The following PDE4D variants were observed in gnomAD, a reference collection of about 807,000 sequenced individuals.
The protein encoded by PDE4D is 3',5'-cyclic-AMP phosphodiesterase 4D.
In PDE4D, 24 loss-of-function variants were observed where a neutral mutation model predicts 87.4. That is an observed-to-expected ratio of 0.27 (90% CI 0.20 to 0.39). The LOEUF is 0.39. Ranked by LOEUF, PDE4D falls within the 10% of genes least tolerant of loss-of-function variation. The probability of loss-of-function intolerance (pLI) is 1.00; values close to 1 mark genes in which losing one functional copy is unlikely to be tolerated. For synonymous variants in PDE4D, 384 were observed against 383.2 expected (o/e 1.00, Z -0.02); for missense variants, 714 against 1,041.0 (o/e 0.69, Z 4.32).
chr5:59,888,695 A>G (rs945332896), intron 1 of PDE4D, among the ~76,000 whole-genome samples: 1 of 152,080 alleles, frequency 6.6e-6, no homozygotes, highest in South Asian at 2.1e-4. Flanking sequence ...GACAATCTGA[A>G]CGGCCAATTT....
chr5:60,181,453 C>T (rs529394647), intron 2 of PDE4D, among the ~76,000 whole-genome samples: 1 of 152,272 alleles, frequency 6.6e-6, no homozygotes, highest in African/African-American at 2.4e-5. Flanking sequence ...GCCAGATACC[C>T]TATGTCTTCC....
intron 2 of PDE4D, among the ~76,000 whole-genome samples, chr5:60,017,688 G>A (rs1444635688): frequency 1.3e-5 from 2 of 152,222 alleles, no homozygotes; most frequent in South Asian, 2.1e-4. Context: ...TCTTTATGCA[G>A]TCTATCATTG....
At chr5:59,847,348 T>C (rs1744018389) in intron 1 of PDE4D, among the ~76,000 whole-genome samples, 1 of 152,166 alleles carries the variant, frequency 6.6e-6, no homozygotes, top group South Asian at 2.1e-4. Context: ...TTTAAAATGC[T>C]ATAAAGTAGA....
chr5:59,846,691 T>C (rs1743906610), intron 1 of PDE4D, among the ~76,000 whole-genome samples: 1 of 151,928 alleles, frequency 6.6e-6, no homozygotes, highest in African/African-American at 2.4e-5. Flanking sequence ...CTGTAATGCA[T>C]ATGAGGAGTA....
intron 1 of PDE4D, among the ~76,000 whole-genome samples, chr5:59,642,254 A>G (rs1213000360): frequency 6.6e-6 from 1 of 151,924 alleles, no homozygotes; most frequent in East Asian, 1.9e-4. Flanking sequence ...TTTTTACTAT[A>G]TATATATTTA....
chr5:60,385,042 C>A (rs1479762074), intron 1 of PDE4D, among the ~76,000 whole-genome samples: 3 of 152,156 alleles, frequency 2.0e-5, no homozygotes, highest in East Asian at 1.9e-4. Flanking sequence ...CTAAATTGAA[C>A]CAGAGTCTTC....
chr5:59,694,019 G>GA (rs1248565561), intron 1 of PDE4D, among the ~76,000 whole-genome samples: 2 of 151,778 alleles, frequency 1.3e-5, no homozygotes, highest in South Asian at 4.2e-4. Flanking sequence ...ACTCGGGGAG[G>GA]AAAAAAAGGA....
chr5:58,991,124 T>TA (rs1001088602), intron 8 of PDE4D, among the ~76,000 whole-genome samples: 8 of 151,536 alleles, frequency 5.3e-5, no homozygotes, highest in Admixed American at 1.3e-4. Context: ...CCACTAAAAA[T>TA]AAAAAAAATT....
intron 3 of PDE4D, chr5:59,988,356 T>G (rs1272313125): frequency 1.1e-5 from 6 of 527,348 alleles, no homozygotes; most frequent in Non-Finnish European, 2.0e-5. Flanking sequence ...ATTCATCCTT[T>G]TTTTTTTGAC....
chr5:60,420,038 ACATTTG>A (rs1316693822), intron 1 of PDE4D, among the ~76,000 whole-genome samples: 1 of 152,200 alleles, frequency 6.6e-6, no homozygotes, highest in Non-Finnish European at 1.5e-5. Context: ...TCACCACCAT[ACATTTG>A]CAGAGTGAGA....
chr5:60,104,167 C>T (rs1450861393), intron 2 of PDE4D, among the ~76,000 whole-genome samples: 1 of 152,212 alleles, frequency 6.6e-6, no homozygotes, highest in Non-Finnish European at 1.5e-5. Flanking sequence ...AAATACTGCG[C>T]TTTTCCCACG....
chr5:59,511,530 G>A (rs528806616), intron 1 of PDE4D, among the ~76,000 whole-genome samples: 1 of 151,884 alleles, frequency 6.6e-6, no homozygotes, highest in Non-Finnish European at 1.5e-5. Flanking sequence ...TATTCTACTT[G>A]TACTTGTTGA....
intron 1 of PDE4D, among the ~76,000 whole-genome samples, chr5:60,313,888 G>A (rs1322407940): frequency 1.3e-5 from 2 of 152,094 alleles, no homozygotes; most frequent in South Asian, 2.1e-4. Context: ...ATAAAATTAA[G>A]CATCACTTCA....
intron 1 of PDE4D, among the ~76,000 whole-genome samples, chr5:60,264,212 G>A (rs892970198): frequency 1.3e-5 from 2 of 152,190 alleles, no homozygotes; most frequent in African/African-American, 4.8e-5. Flanking sequence ...CCAATGATCT[G>A]AAAAATGCTC....
chr5:59,764,967 C>G (rs1762608467), intron 1 of PDE4D, among the ~76,000 whole-genome samples: 1 of 152,062 alleles, frequency 6.6e-6, no homozygotes, highest in Non-Finnish European at 1.5e-5. Context: ...CAAGAGAAGT[C>G]TTTTTTAAGA....
intron 1 of PDE4D, among the ~76,000 whole-genome samples, chr5:60,191,139 T>C (rs1407701401): frequency 1.3e-5 from 2 of 152,212 alleles, no homozygotes; most frequent in African/African-American, 4.8e-5. Flanking sequence ...CCAAGTCACA[T>C]AGATTTCTAC....
At chr5:59,713,784 G>A (rs556748650) in intron 1 of PDE4D, among the ~76,000 whole-genome samples, 46 of 152,288 alleles carry the variant, frequency 3.0e-4, no homozygotes, top group African/African-American at 1.1e-3. Flanking sequence ...GCAGAGCACC[G>A]AGAAGGAATG....
chr5:60,459,790 G>C, intron 1 of PDE4D: 1 of 502,680 alleles, frequency 2.0e-6, no homozygotes, highest in South Asian at 2.3e-5. Context: ...ACTGGAACTT[G>C]CTCCCAGGGA....
intron 1 of PDE4D, among the ~76,000 whole-genome samples, chr5:59,647,138 C>T (rs950866316): frequency 2.6e-5 from 4 of 152,188 alleles, no homozygotes; most frequent in African/African-American, 9.7e-5. Context: ...CTGGCATATT[C>T]ACAGCCTTCA....
Sources: allele counts gnomAD v4.1 joint callset (sites outside exome capture counted in the v4.1 genomes callset), GRCh38; gene constraint gnomAD v4.1.1; transcripts MANE v1.5; gene names NCBI Gene and HGNC (gene_info 2026-07-23, HGNC 2026-07-21).